The following GTF3C5 variants were observed in gnomAD, a reference collection of about 807,000 sequenced individuals.
The protein encoded by GTF3C5 is general transcription factor 3C polypeptide 5.
In GTF3C5, 47 loss-of-function variants were observed where a neutral mutation model predicts 61.0. That is an observed-to-expected ratio of 0.77 (90% confidence interval 0.61 to 0.98). The LOEUF (loss-of-function observed/expected upper bound fraction) is 0.98. Among genes scored for constraint, GTF3C5 ranks in the 50% least tolerant of loss-of-function variants. The probability of loss-of-function intolerance (pLI) is 0.00; values close to 1 mark genes in which losing one functional copy is unlikely to be tolerated. For missense variants in GTF3C5, 659 were observed against 703.3 expected (o/e 0.94, Z 0.71); for synonymous variants, 295 against 275.4 (o/e 1.07, Z -0.71).
chr9:133,052,731 CA>C (rs754965715), intron 5 of GTF3C5, among the ~76,000 whole-genome samples: 13 of 152,318 alleles, frequency 8.5e-5, no homozygotes, highest in African/African-American at 2.2e-4. Flanking sequence ...GGGTCTGCAA[CA>C]GGCAGTAGGA....
At chr9:133,042,449 C>T in intron 2 of GTF3C5, 143 bp downstream of exon 2, 1 of 633,860 alleles carries the variant, frequency 1.6e-6, no homozygotes, top group Non-Finnish European at 2.8e-6. Context: ...GGGCACAGGC[C>T]CCATCCAGGA....
At position 133,043,786 on chromosome 9, in the gene GTF3C5, A is replaced by G. The variant is rs554887635; in HGVS notation, c.432A>G (p.Ser144=). ...VHTEAGGKHT[S]MYDKVLMLRP... The stretch of plus-strand genomic sequence containing the variant: ...CGGAAGCAGGCGGCAAGCATACGTC[A>G]ATGTATGACAAGGTGCTCATGCTCC... The change falls in exon 3 of 11, where the codon TCA becomes TCG. Residue 144 remains serine (S), a synonymous_variant. Transcript: ENST00000372097. 2 of 1,614,126 alleles carry G rather than the reference A, an allele frequency of 1.2e-6. No homozygotes were observed. The highest frequency in any genetic ancestry group is 1.3e-5 in the African/African-American group (1 of 75,020).
chr9:133,047,636 C>T lies in GTF3C5; in HGVS notation c.573-3147C>T, dbSNP rs1289171124. On this transcript the variant is annotated intron_variant, in intron 3 of 10. Coordinates refer to ENST00000372097, the MANE Select transcript of GTF3C5 (RefSeq NM_012087.4). ...TCCCAGGTTCAAGTGATTCTCCTGC[C>T]TCAGCCTCCCGAGTAGCTGGGATTA... 2.0e-5 allele frequency among the ~76,000 whole-genome samples: 3 copies of T among 152,150 alleles called. No individual in the cohort carries two copies. The East Asian group carries it at 5.8e-4, about 30-fold the overall frequency.
chr9:133,046,392 C>T (rs1289881156), intron 3 of GTF3C5, among the ~76,000 whole-genome samples: 1 of 152,130 alleles, frequency 6.6e-6, no homozygotes, highest in Non-Finnish European at 1.5e-5. Flanking sequence ...GGGACCCATG[C>T]CCAGGTGCCT....
At chr9:133,042,005 G>A in intron 1 of GTF3C5, 82 bp from the exon 2 acceptor site, 2 of 937,192 alleles carry the variant, frequency 2.1e-6, no homozygotes, top group Non-Finnish European at 3.4e-6. Context: ...TCACCGTCAG[G>A]CTTTTATTGA....
At position 133,043,697 on chromosome 9, in the gene GTF3C5, A is replaced by G. The variant is rs55648670; in HGVS notation, c.374-31A>G. The G allele has an allele frequency of 3.0e-3, 4,775 of 1,579,214 alleles. 143 individuals carry two copies. The African/African-American group carries it at 0.057, about 19-fold the overall frequency. On this transcript the variant is annotated intron_variant, in intron 2 of 10. Coordinates refer to ENST00000372097, the MANE Select transcript of GTF3C5 (RefSeq NM_012087.4). ...TGGCAGCTGCCCATTCCTGGACTCA[A>G]TGTCTGCCATCTGCCCACCTCTCTT...
chr9:133,035,070 T>TGCCAGGGAA (rs1254086320), intron 1 of GTF3C5, among the ~76,000 whole-genome samples: 119 of 152,266 alleles, frequency 7.8e-4, no homozygotes, highest in Non-Finnish European at 1.5e-3. Context: ...CCAGGGAGTG[T>TGCCAGGGAA]GGTATTCCCC....
At chr9:133,046,504 G>A (rs1388323754) in intron 3 of GTF3C5, among the ~76,000 whole-genome samples, 1 of 152,188 alleles carries the variant, frequency 6.6e-6, no homozygotes, top group African/African-American at 2.4e-5. Flanking sequence ...AAGATTTGGG[G>A]CTCAGAGCAG....
intron 3 of GTF3C5, among the ~76,000 whole-genome samples, chr9:133,050,195 C>G (rs1850328667): frequency 6.6e-6 from 1 of 152,136 alleles, no homozygotes; most frequent in Non-Finnish European, 1.5e-5. Context: ...TTCCCAGGAG[C>G]TCCGTCTCTG....
Position 133,056,827 on chromosome 9 carries a change from T to C in GTF3C5, c.1312T>C (p.Trp438Arg). Reference protein sequence around the residue: ...AENSCTERDGWCLPKTSDELR... With the variant: ...AENSCTERDGRCLPKTSDELR... ...GAATTCCTGCACAGAACGGGATGGG[T>C]GGTGCCTCCCCAAGACCAGCGACGA... Residue 438 changes from tryptophan to arginine, a missense_variant, in exon 10 of 11, where the codon TGG becomes CGG. Coordinates refer to ENST00000372097, the MANE Select transcript of GTF3C5 (RefSeq NM_012087.4). The C allele has an allele frequency of 6.2e-7, 1 of 1,611,588 alleles. No individual in the cohort carries two copies. The highest frequency in any genetic ancestry group is 8.5e-7 in the Non-Finnish European group (1 of 1,178,912).
At chr9:133,030,790 T>A (rs917001166), upstream of GTF3C5, 2 of 648,448 alleles carry the variant, frequency 3.1e-6, no homozygotes, top group Non-Finnish European at 2.8e-6. Context: ...CGCTTAATTT[T>A]AAATAAAAAG....
chr9:133,030,961 T>C, upstream of GTF3C5: 1 of 1,600,046 alleles, frequency 6.2e-7, no homozygotes, highest in South Asian at 1.1e-5. Context: ...GCGAGGCCTT[T>C]GGGAGTACTT....
rs747275086 is a variant in GTF3C5, at chr9:133,054,750, C to T, written c.1108C>T (p.Leu370=). 9 of 1,584,576 alleles carry T rather than the reference C, an allele frequency of 5.7e-6. No individual in the cohort carries two copies. Among genetic ancestry groups the T allele is most frequent in the African/African-American group, 2.7e-5 (2 of 74,552 alleles). ...CACCATGCATGACCTGAAGCAGGGC[C>T]TGGGCCCGTCGGGGACGAGTGGTGC... ...LVTMHDLKQG[L]GPSGTSGARK... Residue 370 remains leucine, a synonymous_variant, in exon 8 of 11, where the codon CTG becomes TTG. Transcript: ENST00000372097.
intron 1 of GTF3C5, among the ~76,000 whole-genome samples, chr9:133,031,709 G>A (rs1425607469): frequency 3.3e-5 from 5 of 152,152 alleles, no homozygotes; most frequent in Non-Finnish European, 5.9e-5. Flanking sequence ...AAGGGGAAGG[G>A]GTTCCTATCT....
chr9:133,038,082 A>G (rs1163928030), intron 1 of GTF3C5, among the ~76,000 whole-genome samples: 2 of 152,134 alleles, frequency 1.3e-5, no homozygotes, highest in African/African-American at 2.4e-5. Context: ...CGGTTTCGCC[A>G]GGAAGAATAG....
At chr9:133,055,986 C>G in intron 8 of GTF3C5, 26 bp from the exon 9 acceptor site, 1 of 1,613,882 alleles carries the variant, frequency 6.2e-7, no homozygotes, top group Non-Finnish European at 8.5e-7. Flanking sequence ...CTCACCTTCC[C>G]TGTCTCTCTC....
Position 133,036,833 on chromosome 9 carries a change from C to T in GTF3C5, c.154-5254C>T, listed in dbSNP as rs554562009. Among the ~76,000 whole-genome samples the T allele has an allele frequency of 5.9e-5, 9 of 152,278 alleles. No homozygotes were observed. In the South Asian group the frequency reaches 1.7e-3, roughly 28 times the overall value. On this transcript the variant is annotated intron_variant, in intron 1 of 10. Coordinates refer to ENST00000372097, the MANE Select transcript of GTF3C5 (RefSeq NM_012087.4). ...GTTAAGAAGGACACGATCCCTTCGA[C>T]GTGTTCAGTTCCTGTCCTTCGTATC... is the stretch of plus-strand genomic sequence containing the variant.
chr9:133,056,185 C>A, intron 9 of GTF3C5, 91 bp downstream of exon 9: 1 of 1,046,600 alleles, frequency 9.6e-7, no homozygotes, highest in Non-Finnish European at 1.4e-6. Context: ...TCACGTCGGC[C>A]TTCATCTCCG....
chr9:133,054,314 C>T, intron 6 of GTF3C5, 94 bp from the exon 7 acceptor site: 1 of 1,035,054 alleles, frequency 9.7e-7, no homozygotes, highest in Non-Finnish European at 1.5e-6. Flanking sequence ...GGAGCTGGCC[C>T]CATGGACCCA....
Sources: gnomAD v4.1 joint callset for allele counts (sites outside exome capture counted in the v4.1 genomes callset) on GRCh38, gnomAD v4.1.1 for gene constraint, MANE v1.5 for transcripts, NCBI Gene and HGNC (gene_info 2026-07-23, HGNC 2026-07-21) for gene names.